ATP9A: variants seen among roughly 807,000 people sequenced by gnomAD.
ATP9A encodes probable phospholipid-transporting ATPase IIA.
In ATP9A, 52 loss-of-function variants were observed where a neutral mutation model predicts 144.1. The ratio of observed to expected loss-of-function variants is 0.36; its 90% CI spans 0.29 to 0.45. The LOEUF (loss-of-function observed/expected upper bound fraction) is 0.45, where lower values mean the gene tolerates loss of function less well. Ranked by LOEUF, ATP9A falls within the 20% of genes least tolerant of loss-of-function variation. The pLI is 1.00. For missense variants in ATP9A, 947 were observed against 1,392.7 expected, an observed-to-expected ratio of 0.68 and a Z score of 5.09; for synonymous variants, 582 against 557.4, an observed-to-expected ratio of 1.04 and a Z score of -0.62.
intron 15 of ATP9A, among the ~76,000 whole-genome samples, chr20:51,632,530 C>T (rs921359138): frequency 6.6e-6 from 1 of 152,106 alleles, no homozygotes; most frequent in African/African-American, 2.4e-5. Flanking sequence ...GGATGCTGAG[C>T]GGCATCCCTG....
At chr20:51,719,558 C>A (rs1208323979) in intron 3 of ATP9A, among the ~76,000 whole-genome samples, 2 of 150,328 alleles carry the variant, frequency 1.3e-5, no homozygotes, top group Non-Finnish European at 3.0e-5. Context: ...CATGGTGAAA[C>A]CCCGTCTCTA....
At chr20:51,652,883 C>T (rs139676607) in intron 14 of ATP9A, among the ~76,000 whole-genome samples, 3,095 of 151,932 alleles carry the variant, frequency 0.02, 111 homozygotes, top group African/African-American at 0.071. Flanking sequence ...CCAAGGCGGG[C>T]GGATCACGAG....
At chr20:51,627,510 A>C in intron 17 of ATP9A, 90 bp downstream of exon 17, 1 of 1,169,116 alleles carries the variant, frequency 8.6e-7, no homozygotes, top group Non-Finnish European at 1.3e-6. Flanking sequence ...TGACATCAGA[A>C]TGGCTCGCAT....
intron 24 of ATP9A, among the ~76,000 whole-genome samples, chr20:51,609,725 G>A (rs911720109): frequency 6.6e-6 from 1 of 152,176 alleles, no homozygotes; most frequent in African/African-American, 2.4e-5. Context: ...TTCAGGCCAG[G>A]AGGGCATTTT....
Position 51,671,179 on chromosome 20 carries a change from C to T in ATP9A, c.1116G>A (p.Val372=), listed in dbSNP as rs754424898. The part of the protein sequence containing the change: ...IRRDSKIPGT[V]VRSSTIPEQL... ...GCTCAGGAATCGTGCTGGAGCGAAC[C>T]ACGGTCCCGGGGATTTTCGAGTCCC... The change falls in exon 12 of 28, where the codon GTG becomes GTA. Residue 372 remains valine (V), a synonymous_variant. Coordinates refer to ENST00000338821, the MANE Select transcript of ATP9A (RefSeq NM_006045.3). The T allele has an allele frequency of 2.4e-5, 39 of 1,614,010 alleles. No homozygotes were observed. The highest frequency in any genetic ancestry group is 3.1e-5 in the Non-Finnish European group (37 of 1,180,010).
chr20:51,626,696 T>C (rs1225700080), intron 17 of ATP9A, among the ~76,000 whole-genome samples: 1 of 149,670 alleles, frequency 6.7e-6, no homozygotes. Context: ...TCCAAGAGAA[T>C]GATTTATGCC....
intron 9 of ATP9A, among the ~76,000 whole-genome samples, chr20:51,680,427 A>G (rs943852400): frequency 1.3e-5 from 2 of 151,930 alleles, no homozygotes; most frequent in East Asian, 1.9e-4. Flanking sequence ...CTGTTCCTCA[A>G]CCTGGGCTCT....
chr20:51,637,698 TG>T (rs2077298469), intron 15 of ATP9A, among the ~76,000 whole-genome samples: 1 of 106,926 alleles, frequency 9.4e-6, no homozygotes, highest in Admixed American at 1.0e-4. Flanking sequence ...TTGTGCACTC[TG>T]TTTTTTTTTT....
chr20:51,728,869 T>C (rs1301101311), intron 2 of ATP9A, among the ~76,000 whole-genome samples: 1 of 151,846 alleles, frequency 6.6e-6, no homozygotes, highest in African/African-American at 2.4e-5. Context: ...CCTTTCTGCA[T>C]TGGAGCTGAT....
At chr20:51,765,346 T>G (rs557060419) in intron 1 of ATP9A, among the ~76,000 whole-genome samples, 2 of 152,220 alleles carry the variant, frequency 1.3e-5, no homozygotes, top group South Asian at 4.1e-4. Context: ...TGAATCCAAA[T>G]CCATGTCACT....
At chr20:51,744,881 G>C (rs1027827995) in intron 1 of ATP9A, among the ~76,000 whole-genome samples, 1 of 152,216 alleles carries the variant, frequency 6.6e-6, no homozygotes, top group Non-Finnish European at 1.5e-5. Flanking sequence ...TGTAATCCCA[G>C]TACTTTGGGA....
rs543611735 is a variant in ATP9A at position 51,725,254 on chromosome 20, T to C, written c.327+565A>G. On this transcript the variant is annotated intron_variant, in intron 3 of 27. Coordinates refer to ENST00000338821, the MANE Select transcript of ATP9A (RefSeq NM_006045.3). ...TCTCCTGCCTCAGCCTCACAAGTAG[T>C]TGGGACTACAGGCACGTCCCACCAC... 5.3e-5 allele frequency among the ~76,000 whole-genome samples: 8 copies of C among 152,164 alleles called. No individual in the cohort carries two copies. In the East Asian group the frequency reaches 1.2e-3, roughly 22 times the overall value.
At chr20:51,616,599 G>A (rs529923494) in intron 22 of ATP9A, among the ~76,000 whole-genome samples, 2 of 152,178 alleles carry the variant, frequency 1.3e-5, no homozygotes, top group African/African-American at 2.4e-5. Flanking sequence ...GATTACAGGC[G>A]TGAGCCACCG....
chr20:51,710,834 A>G (rs2077635223), intron 4 of ATP9A, among the ~76,000 whole-genome samples: 1 of 152,128 alleles, frequency 6.6e-6, no homozygotes, highest in South Asian at 2.1e-4. Context: ...GGGCAGAAAA[A>G]TCATTCACGG....
chr20:51,631,566 A>G (rs2077270051), intron 15 of ATP9A, among the ~76,000 whole-genome samples: 1 of 152,100 alleles, frequency 6.6e-6, no homozygotes, highest in Non-Finnish European at 1.5e-5. Flanking sequence ...ACTTCCTCCC[A>G]CGGAGTTCAT....
chr20:51,718,423 A>C (rs2077672231), intron 3 of ATP9A, among the ~76,000 whole-genome samples: 3 of 151,834 alleles, frequency 2.0e-5, no homozygotes, highest in African/African-American at 7.3e-5. Flanking sequence ...TATTTCTCCA[A>C]TATCATGCGA....
At chr20:51,688,930 G>C in intron 9 of ATP9A, 134 bp downstream of exon 9, 1 of 969,910 alleles carries the variant, frequency 1.0e-6, no homozygotes, top group Non-Finnish European at 1.6e-6. Context: ...TAATTCCCTG[G>C]AGGTGTCGGA....
At position 51,724,525 on chromosome 20, in the gene ATP9A, G is replaced by A. The variant is rs2077704001; in HGVS notation, c.327+1294C>T. On this transcript the variant is annotated intron_variant, in intron 3 of 27. Coordinates refer to ENST00000338821, the MANE Select transcript of ATP9A (RefSeq NM_006045.3). ...TTCATTCATGTAAAAAATACTAAATGTATCTGGGATACCCCATCTGTCCTA... is the reference window on the plus strand; with the variant it reads ...TTCATTCATGTAAAAAATACTAAATATATCTGGGATACCCCATCTGTCCTA... Among the ~76,000 whole-genome samples the A allele has an allele frequency of 3.3e-5, 5 of 152,288 alleles. No homozygotes were observed. The South Asian group carries it at 1.0e-3, about 32-fold the overall frequency.
chr20:51,730,042 C>A, intron 1 of ATP9A, 64 bp from the exon 2 acceptor site: 1 of 1,386,694 alleles, frequency 7.2e-7, no homozygotes, highest in Non-Finnish European at 9.4e-7. Context: ...TCATGTCTGC[C>A]CACTCTTCGC....
Sources: allele counts gnomAD v4.1 joint callset (sites outside exome capture counted in the v4.1 genomes callset), GRCh38; gene constraint gnomAD v4.1.1; transcripts MANE v1.5; gene names NCBI Gene and HGNC (gene_info 2026-07-23, HGNC 2026-07-21).